Variants in ADGRL3 observed in about 807,000 individuals in gnomAD.
ADGRL3 encodes the protein adhesion G protein-coupled receptor L3.
In ADGRL3, 62 loss-of-function variants were observed where a neutral mutation model predicts 153.5. The observed-to-expected ratio is 0.40, with a 90% CI of 0.33 to 0.50. The LOEUF is 0.50. ADGRL3 is among the 20% of genes least tolerant of loss of function. ADGRL3 has a pLI of 0.47. For missense variants in ADGRL3, 1,641 were observed against 1,859.4 expected, an observed-to-expected ratio of 0.88 and a Z score of 2.16; for synonymous variants, 710 against 672.5, an observed-to-expected ratio of 1.06 and a Z score of -0.86.
chr4:61,260,340 G>C (rs1180806608), intron 1 of ADGRL3, among the ~76,000 whole-genome samples: 1 of 152,168 alleles, frequency 6.6e-6, no homozygotes, highest in African/African-American at 2.4e-5. Context: ...GTACATCTCT[G>C]TCTGTTCTTT....
intron 5 of ADGRL3, among the ~76,000 whole-genome samples, chr4:61,637,281 A>C (rs2093465603): frequency 6.6e-6 from 1 of 152,184 alleles, no homozygotes; most frequent in South Asian, 2.1e-4. Flanking sequence ...AGGCATGCAC[A>C]CACACATAGG....
intron 2 of ADGRL3, among the ~76,000 whole-genome samples, chr4:61,406,025 T>G (rs2096990816): frequency 1.3e-5 from 2 of 152,010 alleles, no homozygotes; most frequent in Non-Finnish European, 2.9e-5. Context: ...ATTTTATACA[T>G]TCACTCACTG....
chr4:61,670,664 C>T (rs1405780920), intron 5 of ADGRL3, among the ~76,000 whole-genome samples: 16 of 152,036 alleles, frequency 1.1e-4, no homozygotes, highest in Non-Finnish European at 2.9e-5. Flanking sequence ...AGAGAGGACC[C>T]AAAGATGGTT....
At chr4:62,004,214 C>T (rs1207706312) in intron 21 of ADGRL3, among the ~76,000 whole-genome samples, 2 of 151,942 alleles carry the variant, frequency 1.3e-5, no homozygotes, top group Non-Finnish European at 2.9e-5. Flanking sequence ...TTCAATTTCA[C>T]ATTAATATAA....
chr4:61,604,006 G>C (rs981036218), intron 5 of ADGRL3, among the ~76,000 whole-genome samples: 14 of 152,150 alleles, frequency 9.2e-5, no homozygotes, highest in Admixed American at 1.3e-4. Flanking sequence ...CTGCATGAGA[G>C]AGACATTTGG....
At chr4:61,306,084 A>T (rs959435630) in intron 1 of ADGRL3, among the ~76,000 whole-genome samples, 3 of 151,620 alleles carry the variant, frequency 2.0e-5, no homozygotes, top group African/African-American at 7.3e-5. Flanking sequence ...TTATTTATTT[A>T]TTTTTTATTA....
intron 4 of ADGRL3, among the ~76,000 whole-genome samples, chr4:61,539,434 C>A (rs900074716): frequency 1.3e-5 from 2 of 152,172 alleles, no homozygotes; most frequent in Admixed American, 1.3e-4. Context: ...CTATGGGTGG[C>A]CCTCACTGAG....
At chr4:61,827,008 A>AT (rs1310453184) in intron 9 of ADGRL3, among the ~76,000 whole-genome samples, 1 of 152,132 alleles carries the variant, frequency 6.6e-6, no homozygotes, top group African/African-American at 2.4e-5. Flanking sequence ...CACACTAGTT[A>AT]TAGTCCCGTG....
intron 11 of ADGRL3, chr4:61,906,419 T>C (rs1280514968): frequency 3.3e-5 from 5 of 152,160 alleles, no homozygotes; most frequent in African/African-American, 1.2e-4. Flanking sequence ...TTTAAAAAAT[T>C]AATTTAAAAA....
intron 4 of ADGRL3, among the ~76,000 whole-genome samples, chr4:61,520,903 G>A (rs2098527098): frequency 6.6e-6 from 1 of 151,758 alleles, no homozygotes; most frequent in African/African-American, 2.4e-5. Flanking sequence ...GTGACTGTCA[G>A]CCTGAATTGT....
chr4:61,776,906 G>C (rs183810656), intron 8 of ADGRL3, among the ~76,000 whole-genome samples: 1 of 152,280 alleles, frequency 6.6e-6, no homozygotes, highest in Non-Finnish European at 1.5e-5. Flanking sequence ...CTTACTAAGT[G>C]TGTCAACAGT....
At chr4:61,831,088 C>T (rs372301337) in intron 9 of ADGRL3, among the ~76,000 whole-genome samples, 5 of 151,070 alleles carry the variant, frequency 3.3e-5, no homozygotes, top group African/African-American at 1.2e-4. Flanking sequence ...AGGATTTCAC[C>T]GTGTTGGCCA....
intron 1 of ADGRL3, among the ~76,000 whole-genome samples, chr4:61,246,332 T>A (rs1239215797): frequency 1.3e-5 from 2 of 152,042 alleles, no homozygotes; most frequent in Non-Finnish European, 2.9e-5. Context: ...TGTAGGATGA[T>A]TAATAATAAG....
intron 3 of ADGRL3, among the ~76,000 whole-genome samples, chr4:61,504,379 AT>A (rs1352802764): frequency 6.6e-6 from 1 of 152,194 alleles, no homozygotes; most frequent in African/African-American, 2.4e-5. Context: ...CATTATGGAT[AT>A]TTAATAGTGC....
At chr4:61,607,222 T>C (rs749049227) in intron 5 of ADGRL3, among the ~76,000 whole-genome samples, 1 of 152,022 alleles carries the variant, frequency 6.6e-6, no homozygotes, top group Non-Finnish European at 1.5e-5. Context: ...GGTTGGGTGT[T>C]CACAGAACTG....
chr4:61,404,504 C>T (rs541246718), intron 2 of ADGRL3, among the ~76,000 whole-genome samples: 68 of 152,110 alleles, frequency 4.5e-4, no homozygotes, highest in African/African-American at 1.5e-3. Context: ...GAACTTCAAA[C>T]GGTTTACCTG....
intron 1 of ADGRL3, among the ~76,000 whole-genome samples, chr4:61,370,885 C>G (rs938576057): frequency 5.3e-5 from 8 of 151,688 alleles, no homozygotes; most frequent in South Asian, 2.1e-4. Context: ...GTAGGTCACT[C>G]AGGACTTGCT....
intron 6 of ADGRL3, among the ~76,000 whole-genome samples, chr4:61,690,128 A>T (rs1215267585): frequency 6.6e-6 from 1 of 152,186 alleles, no homozygotes; most frequent in Admixed American, 6.5e-5. Context: ...GCTCCGTAAC[A>T]GAAACTTCAT....
At chr4:62,037,664 A>G (rs1582001448) in intron 23 of ADGRL3, 67 bp from the exon 24 acceptor site, 3 of 1,539,248 alleles carry the variant, frequency 1.9e-6, no homozygotes, top group Non-Finnish European at 2.7e-6. Context: ...ACTCACATAC[A>G]TTGTCTACTT....
Sources: allele counts gnomAD v4.1 joint callset (sites outside exome capture counted in the v4.1 genomes callset), GRCh38; gene constraint gnomAD v4.1.1; transcripts MANE v1.5; gene names NCBI Gene and HGNC (gene_info 2026-07-23, HGNC 2026-07-21).